The following CATSPERB variants were observed in gnomAD, a reference collection of about 807,000 sequenced individuals.
CATSPERB encodes catsper channel auxiliary subunit beta.
Under a neutral mutation model 128.3 loss-of-function variants are expected in CATSPERB, and 93 were observed. The observed-to-expected ratio is 0.72, with a 90% CI of 0.61 to 0.86. The LOEUF (loss-of-function observed/expected upper bound fraction) is 0.86. Among genes scored for constraint, CATSPERB ranks in the 40% least tolerant of loss-of-function variants. CATSPERB has a pLI of 0.00. For missense variants in CATSPERB, 1,153 were observed against 1,329.5 expected (o/e 0.87, Z 2.06); for synonymous variants, 381 against 448.8 (o/e 0.85, Z 1.91).
At chr14:91,589,376 A>G (rs1227805297) in intron 24 of CATSPERB, among the ~76,000 whole-genome samples, 158 bp downstream of exon 24, 2 of 152,252 alleles carry the variant, frequency 1.3e-5, no homozygotes, top group Non-Finnish European at 1.5e-5. Context: ...AGTAGGAAAC[A>G]ATAGAAGTAA....
chr14:91,617,799 G>T, intron 19 of CATSPERB, 63 bp from the exon 20 acceptor site: 1 of 1,163,260 alleles, frequency 8.6e-7, no homozygotes. Flanking sequence ...ATTGAATAAT[G>T]ATTGGCTAAT....
intron 22 of CATSPERB, among the ~76,000 whole-genome samples, chr14:91,597,903 C>T (rs1456669201): frequency 6.6e-6 from 1 of 151,924 alleles, no homozygotes; most frequent in East Asian, 1.9e-4. Context: ...GATGCAATAA[C>T]ATTAAAACAT....
chr14:91,632,339 A>G (rs1316243953), intron 17 of CATSPERB, among the ~76,000 whole-genome samples: 1 of 152,178 alleles, frequency 6.6e-6, no homozygotes, highest in Non-Finnish European at 1.5e-5. Flanking sequence ...GAAACTCATA[A>G]CAAAAAACCC....
intron 19 of CATSPERB, among the ~76,000 whole-genome samples, chr14:91,618,119 C>CCA: frequency 6.6e-6 from 1 of 152,206 alleles, no homozygotes; most frequent in African/African-American, 2.4e-5. Flanking sequence ...TTCATGCCTC[C>CCA]CCTTTTTAGA....
intron 5 of CATSPERB, chr14:91,710,244 A>G (rs937093031): frequency 6.6e-6 from 1 of 152,238 alleles, no homozygotes; most frequent in Non-Finnish European, 1.5e-5. Context: ...TTTGGGTTAA[A>G]AAAAAAGATT....
intron 10 of CATSPERB, among the ~76,000 whole-genome samples, chr14:91,684,781 A>AT (rs1020651337): frequency 2.6e-5 from 4 of 151,154 alleles, no homozygotes; most frequent in Admixed American, 6.6e-5. Flanking sequence ...CGCCTGGCTA[A>AT]TTTTTTTTGT....
At chr14:91,601,659 A>T (rs552499821) in intron 22 of CATSPERB, among the ~76,000 whole-genome samples, 7 of 152,264 alleles carry the variant, frequency 4.6e-5, no homozygotes, top group African/African-American at 1.4e-4. Flanking sequence ...TAAAGGGGAA[A>T]AATAAATTTT....
intron 4 of CATSPERB, among the ~76,000 whole-genome samples, chr14:91,721,848 T>TAAAA (rs774942210): frequency 8.9e-6 from 1 of 112,300 alleles, no homozygotes; most frequent in Non-Finnish European, 1.9e-5. Flanking sequence ...AGACTCTGTC[T>TAAAA]AAAAAAAAAA....
intron 10 of CATSPERB, among the ~76,000 whole-genome samples, chr14:91,685,040 C>T (rs1254983919): frequency 1.3e-5 from 2 of 152,098 alleles, no homozygotes; most frequent in Non-Finnish European, 2.9e-5. Context: ...AATCCTCCCG[C>T]CTCAGCCTCC....
At chr14:91,637,051 C>T (rs1275128762) in intron 16 of CATSPERB, among the ~76,000 whole-genome samples, 1 of 152,230 alleles carries the variant, frequency 6.6e-6, no homozygotes, top group East Asian at 1.9e-4. Context: ...CCTTTCCTGA[C>T]TCACAGACCT....
rs368429570 is a variant in CATSPERB at position 91,580,966 on chromosome 14, A to G, written c.3274T>C (p.Trp1092Arg). The G allele has an allele frequency of 5.0e-6, 8 of 1,614,080 alleles. No individual in the cohort carries two copies. Among genetic ancestry groups the G allele is most frequent in the African/African-American group, 1.3e-5 (1 of 74,938 alleles). ...AACTTCTCTTGGTTTCTTCTAATCCATCTTTGGAATGTCCTCCACGGATGG... is the reference window on the plus strand; with the variant it reads ...AACTTCTCTTGGTTTCTTCTAATCCGTCTTTGGAATGTCCTCCACGGATGG... Reference protein sequence around the residue: ...GIHPWRTFQRWIRRNQEKFSS... With the variant: ...GIHPWRTFQRRIRRNQEKFSS... The change falls in exon 27 of 27, where the codon TGG (tryptophan) becomes CGG (arginine). Residue 1092 changes from tryptophan (W) to arginine (R), a missense_variant. Physicochemically the swap from Trp to Arg is moderately radical, Grantham distance 101. Coordinates refer to ENST00000256343, the MANE Select transcript of CATSPERB (RefSeq NM_024764.4).
At chr14:91,700,117 G>A (rs1348068298) in intron 7 of CATSPERB, among the ~76,000 whole-genome samples, 1 of 151,896 alleles carries the variant, frequency 6.6e-6, no homozygotes, top group African/African-American at 2.4e-5. Flanking sequence ...GGTGTGTGAT[G>A]TTCCCCTCCC....
At chr14:91,730,160 T>C (rs78031056) in intron 1 of CATSPERB, among the ~76,000 whole-genome samples, 3,893 of 152,236 alleles carry the variant, frequency 0.026, 53 homozygotes, top group South Asian at 0.034. Context: ...TGTTTGGAGA[T>C]AGGATTTTTA....
rs761121075 is a variant in CATSPERB at position 91,704,705 on chromosome 14, T to G, written c.467-4A>C. On this transcript the variant is annotated splice_polypyrimidine_tract_variant and splice_region_variant and intron_variant, in intron 6 of 26. Transcript: ENST00000256343. Reference sequence around the variant, plus strand: ...GGAGTCCACTGAAGAATCGGTTCTGTGGAAATCAAATTTGGGTGTTTAAAT... The same window carrying G: ...GGAGTCCACTGAAGAATCGGTTCTGGGGAAATCAAATTTGGGTGTTTAAAT... 1.6e-5 allele frequency: 25 copies of G among 1,609,340 alleles called. No individual in the cohort carries two copies. In the East Asian group the frequency reaches 5.4e-4, roughly 34 times the overall value.
At chr14:91,708,329 G>T in intron 5 of CATSPERB, 93 bp from the exon 6 acceptor site, 1 of 747,092 alleles carries the variant, frequency 1.3e-6, no homozygotes. Flanking sequence ...AACAATGATA[G>T]CCTTTCCTTT....
In CATSPERB at chr14:91,639,197, A is replaced by G. The variant is rs778474637; in HGVS notation, c.1486T>C (p.Tyr496His). 3 of 1,613,978 alleles carry G rather than the reference A, an allele frequency of 1.9e-6. No individual in the cohort carries two copies. In the South Asian group the frequency reaches 3.3e-5, roughly 18 times the overall value. ...GSVTERIFTL[Y>H]YDHLGFLHKL... is the part of the protein sequence containing the mutation. ...TGTAGGAATCCCAAGTGATCATAGT[A>G]TAATGTGAAAATTCTCTCAGTAACA... The change falls in exon 16 of 27, where the codon TAC becomes CAC. Residue 496 changes from tyrosine to histidine, a missense_variant. Coordinates refer to ENST00000256343, the MANE Select transcript of CATSPERB (RefSeq NM_024764.4).
intron 18 of CATSPERB, among the ~76,000 whole-genome samples, chr14:91,622,740 T>C (rs1268299138): frequency 6.6e-6 from 1 of 152,146 alleles, no homozygotes; most frequent in African/African-American, 2.4e-5. Context: ...CCAACCACCA[T>C]GTAATTTCTC....
intron 23 of CATSPERB, among the ~76,000 whole-genome samples, chr14:91,590,617 T>C (rs1201556419): frequency 6.6e-6 from 1 of 152,118 alleles, no homozygotes; most frequent in Non-Finnish European, 1.5e-5. Flanking sequence ...ATATATAATA[T>C]CATATATAGT....
chr14:91,623,189 C>A (rs1371478725), intron 18 of CATSPERB, among the ~76,000 whole-genome samples: 1 of 152,158 alleles, frequency 6.6e-6, no homozygotes, highest in Non-Finnish European at 1.5e-5. Context: ...GCCACCATAC[C>A]CGGCCAGGGT....
Sources: gnomAD v4.1 joint callset for allele counts (sites outside exome capture counted in the v4.1 genomes callset) on GRCh38, gnomAD v4.1.1 for gene constraint, MANE v1.5 for transcripts, NCBI Gene and HGNC (gene_info 2026-07-23, HGNC 2026-07-21) for gene names.